The following RNF14 variants were observed in gnomAD, a reference collection of about 807,000 sequenced individuals.
RNF14 encodes ring finger protein 14.
Under a neutral mutation model 52.6 loss-of-function variants are expected in RNF14, and 26 were observed. The ratio of observed to expected loss-of-function variants is 0.49; its 90% CI spans 0.36 to 0.69. The LOEUF (loss-of-function observed/expected upper bound fraction) is 0.69, where lower values mean the gene tolerates loss of function less well. Ranked by LOEUF, RNF14 falls within the 30% of genes least tolerant of loss-of-function variation. The pLI, the probability that RNF14 is intolerant of heterozygous loss-of-function variation, is 0.00. For synonymous variants in RNF14, 194 were observed against 202.0 expected, an observed-to-expected ratio of 0.96 and a Z score of 0.34; for missense variants, 404 against 560.4, an observed-to-expected ratio of 0.72 and a Z score of 2.82.
At chr5:141,962,425 A>T (rs565124714), upstream of RNF14, among the ~76,000 whole-genome samples, 3 of 152,368 alleles carry the variant, frequency 2.0e-5, no homozygotes, top group Admixed American at 6.5e-5. Flanking sequence ...CCTTTCCCAG[A>T]ATACTGCCAA....
chr5:141,962,861 C>T (rs535854091), upstream of RNF14, among the ~76,000 whole-genome samples: 2 of 152,320 alleles, frequency 1.3e-5, no homozygotes, highest in South Asian at 4.1e-4. Context: ...AAGGGCACTA[C>T]TTCTGGTGTA....
chr5:141,955,417 A>T (rs1429465933), upstream of RNF14: 20 of 1,613,906 alleles, frequency 1.2e-5, no homozygotes, highest in South Asian at 2.0e-4. The surrounding 1 kb of genome is among the most constrained non-coding windows in gnomAD (Gnocchi z 5.5). Context: ...GGGGGCCTGC[A>T]GGCAGGGGTC....
chr5:141,983,300 G>A (rs1220135045), intron 6 of RNF14, 80 bp from the exon 7 acceptor site: 20 of 1,129,694 alleles, frequency 1.8e-5, no homozygotes, highest in African/African-American at 9.5e-5. Context: ...TTGAATAGTC[G>A]AAGATTATAG....
At chr5:141,983,578 G>A (rs760172502) in intron 7 of RNF14, 26 bp downstream of exon 7, 1 of 1,588,014 alleles carries the variant, frequency 6.3e-7, no homozygotes, top group South Asian at 1.1e-5. Context: ...CAGACTTGGA[G>A]GCCATCAGAC....
chr5:141,980,004 TGAAA>T (rs1754622743), intron 5 of RNF14, 115 bp from the exon 6 acceptor site: 1 of 758,770 alleles, frequency 1.3e-6, no homozygotes, highest in East Asian at 2.5e-5. Flanking sequence ...GATTTTGAAG[TGAAA>T]GAGAGGTTTT....
At chr5:141,957,345 C>T (rs763944434), upstream of RNF14, 118 of 1,613,408 alleles carry the variant, frequency 7.3e-5, 3 homozygotes, top group South Asian at 1.3e-3. This position sits in a 1 kb window ranked among gnomAD's most constrained non-coding sequence, Gnocchi z 4.3. Flanking sequence ...TGTAGGTGTG[C>T]AGGGTGTTAG....
At chr5:141,956,490 G>A (rs754174103), upstream of RNF14, 24 of 1,614,104 alleles carry the variant, frequency 1.5e-5, no homozygotes, top group African/African-American at 9.3e-5. Context: ...GTGCATTGTC[G>A]TTGATGTCAC....
In RNF14 at chr5:141,984,807, T is replaced by C; in HGVS notation, c.1241T>C (p.Leu414Ser). Residue 414 changes from leucine (L) to serine (S), a missense_variant, in exon 8 of 9, where the codon TTA becomes TCA. Coordinates refer to ENST00000394520, the MANE Select transcript of RNF14 (RefSeq NM_004290.5). ...TCTTTCTATCCTTCCCACCAGAAAT[T>C]AGACGGATGTAACAAGATGACATGT... ...CPCCGTPIEK[L>S]DGCNKMTCTG... is the part of the protein sequence containing the mutation. The C allele has an allele frequency of 6.2e-7, 1 of 1,613,864 alleles. No homozygotes were observed.
chr5:141,956,829 C>G (rs775465000), upstream of RNF14: 2 of 1,614,122 alleles, frequency 1.2e-6, no homozygotes, highest in Non-Finnish European at 1.7e-6. Flanking sequence ...CATCCAGAAC[C>G]TTGATGAGAA....
At chr5:141,959,400 G>C (rs1753235898) in intron 1 of RNF14, among the ~76,000 whole-genome samples, 1 of 152,104 alleles carries the variant, frequency 6.6e-6, no homozygotes, top group Non-Finnish European at 1.5e-5. Context: ...TGGGCTTTGA[G>C]GTGGCCTTAT....
chr5:141,957,371 C>G, upstream of RNF14: 1 of 1,613,808 alleles, frequency 6.2e-7, no homozygotes, highest in East Asian at 2.2e-5. This position sits in a 1 kb window ranked among gnomAD's most constrained non-coding sequence, Gnocchi z 4.3. Flanking sequence ...GTGTCTGGGT[C>G]AAGAGCTCTG....
the RNF14 span, chr5:141,952,850 C>T: frequency 6.6e-6 from 1 of 152,244 alleles, no homozygotes; most frequent in African/African-American, 2.4e-5. Context: ...CTGCTTCCTC[C>T]TCCTGGGTCC....
chr5:141,976,070 A>C (rs1235064635), intron 4 of RNF14, among the ~76,000 whole-genome samples: 1 of 152,240 alleles, frequency 6.6e-6, no homozygotes, highest in Non-Finnish European at 1.5e-5. Context: ...TTCACAAACT[A>C]GAGCTTATGG....
In RNF14 at chr5:141,973,760, T is replaced by C; in HGVS notation, c.154+18T>C. 1 of 1,574,166 alleles carries C rather than the reference T, an allele frequency of 6.4e-7. No homozygotes were observed. Among genetic ancestry groups the C allele is most frequent in the Non-Finnish European group, 8.6e-7 (1 of 1,162,996 alleles). ...TGTGAGCGGTTAGTTAATAATTTCT[T>C]AAACAGATTTTTCTATTATTCTTTA... is the stretch of plus-strand genomic sequence containing the variant. On this transcript the variant is annotated intron_variant, in intron 3 of 8. Transcript: ENST00000394520.
In RNF14 at chr5:141,973,533, C is replaced by T. The variant is rs775524098; in HGVS notation, c.-6-50C>T. The T allele has an allele frequency of 1.7e-4, 261 of 1,527,310 alleles. 1 individual carries two copies. Among genetic ancestry groups the T allele is most frequent in the Non-Finnish European group, 2.2e-4 (248 of 1,127,854 alleles). The allele number at this position is 1,527,310 out of a possible 1,614,324, so 94.6% of individuals were successfully genotyped here. On this transcript the variant is annotated intron_variant, in intron 2 of 8. Coordinates refer to ENST00000394520, the MANE Select transcript of RNF14 (RefSeq NM_004290.5). ...GATTACAGGTGTGAGCCACCACACC[C>T]GGCCAGCCTCTGTGCATTTTCTGTT...
At chr5:141,983,252 G>T in intron 6 of RNF14, 128 bp from the exon 7 acceptor site, 1 of 746,584 alleles carries the variant, frequency 1.3e-6, no homozygotes, top group South Asian at 1.9e-5. Context: ...TATGACTTTG[G>T]ATTATTTCCT....
intron 2 of RNF14, among the ~76,000 whole-genome samples, chr5:141,972,795 T>C (rs1596671874): frequency 6.6e-6 from 1 of 152,130 alleles, no homozygotes; most frequent in South Asian, 2.1e-4. Context: ...TTCACCACGT[T>C]GGCCAGGCTG....
the RNF14 span, chr5:141,951,412 T>C: frequency 9.6e-7 from 1 of 1,038,906 alleles, no homozygotes; most frequent in East Asian, 2.4e-5. Flanking sequence ...GTGCTCACCC[T>C]TCCTCACTCA....
At chr5:141,955,471 G>C (rs1261549011), upstream of RNF14, 1 of 1,613,928 alleles carries the variant, frequency 6.2e-7, no homozygotes, top group East Asian at 2.2e-5. The surrounding 1 kb of genome is among the most constrained non-coding windows in gnomAD (Gnocchi z 5.5). Flanking sequence ...ATCTTTGTGG[G>C]ACTGCCCGAC....
Sources: allele counts gnomAD v4.1 joint callset (sites outside exome capture counted in the v4.1 genomes callset), GRCh38; gene constraint gnomAD v4.1.1; non-coding constraint Gnocchi (gnomAD v3.1); transcripts MANE v1.5; gene names NCBI Gene and HGNC (gene_info 2026-07-23, HGNC 2026-07-21).